Variants in NUP188 observed in about 807,000 individuals in gnomAD.
NUP188 encodes the protein nucleoporin 188, also known as nucleoporin NUP188.
In NUP188, 97 loss-of-function variants were observed where a neutral mutation model predicts 223.0. That is an observed-to-expected ratio of 0.43 (90% CI 0.37 to 0.51). The LOEUF (loss-of-function observed/expected upper bound fraction) is 0.51, where lower values mean the gene tolerates loss of function less well. NUP188 is among the 20% of genes least tolerant of loss of function. The pLI is 0.00. For synonymous variants in NUP188, 869 were observed against 828.0 expected, an observed-to-expected ratio of 1.05 and a Z score of -0.85; for missense variants, 1,947 against 2,175.6, an observed-to-expected ratio of 0.89 and a Z score of 2.09.
rs1842125408 is a variant in NUP188 at position 128,973,164 on chromosome 9, C to T, written c.1118C>T (p.Thr373Ile). 4 of 1,608,908 alleles carry T rather than the reference C, an allele frequency of 2.5e-6. No homozygotes were observed. The highest frequency in any genetic ancestry group is 2.7e-5 in the African/African-American group (2 of 74,768). Residue 373 changes from threonine (T) to isoleucine (I), a missense_variant, in exon 12 of 44, where the codon ACC becomes ATC. Thr to Ile is a moderately conservative substitution (Grantham distance 89, BLOSUM62 -1). Around this residue, in one of 3 missense-constraint regions of NUP188, gnomAD observed 817 missense variants for 865.8 expected, o/e 0.94. Coordinates refer to ENST00000372577, the MANE Select transcript of NUP188 (RefSeq NM_015354.3). ...QSLASGGNDC[T>I]TSTACMCVYG... ...CTGACTCCTTTGTCATTCCAGTGCACCACCAGCACTGCATGCATGTGTGTC... is the reference window on the plus strand; with the variant it reads ...CTGACTCCTTTGTCATTCCAGTGCATCACCAGCACTGCATGCATGTGTGTC...
chr9:128,947,972 C>T (rs1027934425), intron 1 of NUP188: 11 of 394,768 alleles, frequency 2.8e-5, no homozygotes, highest in Non-Finnish European at 4.0e-5. Context: ...TCACCCCTTC[C>T]CTCCGCGCTC....
intron 20 of NUP188, 152 bp downstream of exon 20, chr9:128,985,166 T>C: frequency 1.7e-6 from 1 of 599,006 alleles, no homozygotes; most frequent in Non-Finnish European, 3.0e-6. Flanking sequence ...ACAGTTTCTA[T>C]GTATTGAGTA....
At position 128,998,168 on chromosome 9, in the gene NUP188, G is replaced by C; in HGVS notation, c.3369G>C (p.Leu1123=). The change falls in exon 31 of 44, where the codon CTG becomes CTC. Residue 1123 remains leucine, a synonymous_variant. Coordinates refer to ENST00000372577, the MANE Select transcript of NUP188 (RefSeq NM_015354.3). ...IATTHADIMH[L]TDSVVRRQLF... is the part of the protein sequence containing the mutation. Reference sequence around the variant, plus strand: ...CTTTGCAGGCAGATATAATGCACCTGACTGACTCTGTGGTGCGTCGCCAGC... The same window carrying C: ...CTTTGCAGGCAGATATAATGCACCTCACTGACTCTGTGGTGCGTCGCCAGC... 6.2e-7 allele frequency: 1 copy of C among 1,613,932 alleles called. No individual in the cohort carries two copies. The highest frequency in any genetic ancestry group is 8.5e-7 in the Non-Finnish European group (1 of 1,179,806).
chr9:128,999,144 C>G (rs543664717), intron 32 of NUP188, 28 bp from the exon 33 acceptor site: 3 of 1,608,074 alleles, frequency 1.9e-6, no homozygotes, highest in African/African-American at 2.7e-5. Flanking sequence ...TGAGCCACCA[C>G]GCCTGGCCCA....
intron 11 of NUP188, 134 bp downstream of exon 11, chr9:128,971,092 C>T: frequency 1.4e-6 from 1 of 695,126 alleles, no homozygotes; most frequent in East Asian, 2.6e-5. Flanking sequence ...TAGACATCAT[C>T]AGGCATTATT....
At chr9:128,966,256 GTGTC>G (rs1444556843) in intron 8 of NUP188, among the ~76,000 whole-genome samples, 4 of 119,934 alleles carry the variant, frequency 3.3e-5, no homozygotes, top group African/African-American at 6.0e-5. Flanking sequence ...GTCTGTCTCT[GTGTC>G]TGTGTGTGTG....
At chr9:128,992,237 C>T (rs1304800363) in intron 25 of NUP188, among the ~76,000 whole-genome samples, 1 of 151,282 alleles carries the variant, frequency 6.6e-6, no homozygotes, top group Non-Finnish European at 1.5e-5. Flanking sequence ...CCCACTCCAT[C>T]ACCCAGGCTG....
chr9:129,001,706 C>T lies in NUP188; in HGVS notation c.4021C>T (p.Leu1341Phe), dbSNP rs1295842248. The T allele has an allele frequency of 6.2e-7, 1 of 1,613,790 alleles. No individual in the cohort carries two copies. Among genetic ancestry groups the T allele is most frequent in the Non-Finnish European group, 8.5e-7 (1 of 1,179,936 alleles). ...HFTEATLHLLLTLARTQQGAT... is the reference protein window; with the variant it reads ...HFTEATLHLLFTLARTQQGAT... ...CACTGAGGCCACATTGCATCTGCTC[C>T]TCACCCTGGCTCGCACTCAGCAGGT... The change falls in exon 35 of 44, where the codon CTC becomes TTC. Residue 1341 changes from leucine to phenylalanine, a missense_variant. Leu to Phe is a conservative substitution (Grantham distance 22). Around this residue, in one of 3 missense-constraint regions of NUP188, gnomAD observed 905 missense variants for 990.6 expected, o/e 0.91. Transcript: ENST00000372577.
At chr9:128,998,510 T>C in intron 31 of NUP188, 28 bp from the exon 32 acceptor site, 1 of 1,599,270 alleles carries the variant, frequency 6.3e-7, no homozygotes, top group Non-Finnish European at 8.6e-7. Context: ...TTCCACTGAC[T>C]TCTGACTGGT....
At chr9:128,973,715 T>C (rs1311524271) in intron 12 of NUP188, among the ~76,000 whole-genome samples, 1 of 151,968 alleles carries the variant, frequency 6.6e-6, no homozygotes, top group African/African-American at 2.4e-5. Context: ...AGGTGATAAA[T>C]GTTAATTGTA....
Position 128,956,320 on chromosome 9 carries a change from TGAA to T in NUP188, c.162-26_162-24del, listed in dbSNP as rs773965754. 8.9e-6 allele frequency: 12 copies of T among 1,353,728 alleles called. No homozygotes were observed. The South Asian group carries it at 1.6e-4, about 18-fold the overall frequency. The allele number at this position is 1,353,728 out of a possible 1,614,324, so 83.9% of individuals were successfully genotyped here. ...TTTAAACTCAGTGGGCTATTGAGAA[TGAA>T]GAAATGATTCACTGTTCTTTTTGTA... On this transcript the variant is annotated intron_variant, in intron 3 of 43. Transcript: ENST00000372577.
intron 9 of NUP188, 74 bp downstream of exon 9, chr9:128,968,791 T>G: frequency 8.8e-7 from 1 of 1,141,404 alleles, no homozygotes; most frequent in South Asian, 1.3e-5. Flanking sequence ...TGTAAGCAGG[T>G]AGGGGGTAGG....
At chr9:128,998,323 T>G in intron 31 of NUP188, 95 bp downstream of exon 31, 1 of 1,211,294 alleles carries the variant, frequency 8.3e-7, no homozygotes, top group African/African-American at 1.5e-5. Context: ...GCCGCACAAA[T>G]AGTCAGGTCA....
At chr9:128,992,047 C>T (rs1272328772) in intron 25 of NUP188, among the ~76,000 whole-genome samples, 2 of 151,212 alleles carry the variant, frequency 1.3e-5, no homozygotes, top group South Asian at 2.1e-4. Context: ...GCTGGGACTA[C>T]AGGCGCCTGC....
rs1842602981 is a variant in NUP188 at position 128,999,645 on chromosome 9, C to G, written c.3683C>G (p.Ser1228Cys). The G allele has an allele frequency of 6.2e-7, 1 of 1,614,030 alleles. No homozygotes were observed. The highest frequency in any genetic ancestry group is 1.3e-5 in the African/African-American group (1 of 74,922). Residue 1228 changes from serine to cysteine, a missense_variant, in exon 34 of 44, where the codon TCC (serine) becomes TGC (cysteine). Ser to Cys is a moderately radical substitution (Grantham distance 112). Transcript: ENST00000372577. ...EMKVSDIPQYSQLVLNVCETL... is the reference protein window; with the variant it reads ...EMKVSDIPQYCQLVLNVCETL... ...ACAGTAAGTGACATCCCCCAGTACTCCCAGCTGGTGCTGAATGTCTGTGAG... is the reference window on the plus strand; with the variant it reads ...ACAGTAAGTGACATCCCCCAGTACTGCCAGCTGGTGCTGAATGTCTGTGAG...
chr9:128,984,945 C>A lies in NUP188; in HGVS notation c.2007C>A (p.Asn669Lys), dbSNP rs368725729. Residue 669 changes from asparagine (N) to lysine (K), a missense_variant, in exon 20 of 44, where the codon AAC (asparagine) becomes AAA (lysine). Around this residue, in one of 3 missense-constraint regions of NUP188, gnomAD observed 817 missense variants for 865.8 expected, o/e 0.94. Coordinates refer to ENST00000372577, the MANE Select transcript of NUP188 (RefSeq NM_015354.3). ...NAGGYGNLLM[N>K]SEQPQGEYGV... ...GAGGGTACGGAAACCTCTTGATGAA[C>A]AGTGAACAGCCTCAGGGCGAGTATG... 7.4e-6 allele frequency: 12 copies of A among 1,613,756 alleles called. No homozygotes were observed. The highest frequency in any genetic ancestry group is 1.6e-4 in the Middle Eastern group (1 of 6,082).
At chr9:128,949,547 G>T (rs1013595702) in intron 2 of NUP188, among the ~76,000 whole-genome samples, 10 of 151,962 alleles carry the variant, frequency 6.6e-5, no homozygotes, top group Non-Finnish European at 1.0e-4. Flanking sequence ...GGTCAGGCTG[G>T]TCTCCAACTC....
At chr9:128,992,361 T>G (rs1010707394) in intron 25 of NUP188, among the ~76,000 whole-genome samples, 1 of 152,024 alleles carries the variant, frequency 6.6e-6, no homozygotes, top group Non-Finnish European at 1.5e-5. Context: ...CCCAGCTGAT[T>G]TTTTTGTATT....
rs1379807888 is a variant in NUP188, at chr9:128,948,051, C to T, written c.32+300C>T. 4 of 307,008 alleles carry T rather than the reference C, an allele frequency of 1.3e-5. No individual in the cohort carries two copies. In the East Asian group the frequency reaches 1.5e-4, roughly 12 times the overall value. The allele number at this position is 307,008 out of a possible 1,614,324, so 19.0% of individuals were successfully genotyped here. A position where few individuals can be genotyped will look rare whatever the true frequency, so the allele number is the denominator to read the frequency against. The stretch of plus-strand genomic sequence containing the variant: ...CTCACCTCCGACGCGTCTCTTGGCG[C>T]CCCACCCGCGCTTCCTTCTCCGGCC... On this transcript the variant is annotated intron_variant, in intron 1 of 43. Coordinates refer to ENST00000372577, the MANE Select transcript of NUP188 (RefSeq NM_015354.3).
Sources: gnomAD v4.1 joint callset for allele counts (sites outside exome capture counted in the v4.1 genomes callset) on GRCh38, gnomAD v4.1.1 for gene constraint, gnomAD v4.1.1 regional missense constraint, MANE v1.5 for transcripts, NCBI Gene and HGNC (gene_info 2026-07-23, HGNC 2026-07-21) for gene names.